The following ANLN variants were observed in gnomAD, a reference collection of about 807,000 sequenced individuals.
ANLN encodes anillin, actin binding protein, also known as anillin.
In ANLN, 59 loss-of-function variants were observed where a neutral mutation model predicts 135.1. The observed-to-expected ratio is 0.44, with a 90% CI of 0.35 to 0.54. ANLN has a LOEUF of 0.54. Among genes scored for constraint, ANLN ranks in the 20% least tolerant of loss-of-function variants. ANLN has a pLI of 0.00. For synonymous variants in ANLN, 406 were observed against 456.4 expected (o/e 0.89, Z 1.41); for missense variants, 1,182 against 1,340.0 (o/e 0.88, Z 1.84).
intron 4 of ANLN, 100 bp downstream of exon 4, chr7:36,406,666 G>C (rs1221799714): frequency 3.7e-6 from 4 of 1,087,680 alleles, no homozygotes; most frequent in Non-Finnish European, 4.9e-6. Flanking sequence ...GTGGATATAT[G>C]TTTTATAATA....
intron 1 of ANLN, 46 bp downstream of exon 1, chr7:36,390,090 G>A: frequency 1.2e-6 from 2 of 1,612,468 alleles, no homozygotes; most frequent in Non-Finnish European, 1.7e-6. Context: ...ACCGCTCTAG[G>A]CCCCCACCCA....
intron 23 of ANLN, among the ~76,000 whole-genome samples, chr7:36,450,961 A>T (rs1054327470): frequency 6.6e-6 from 1 of 152,188 alleles, no homozygotes; most frequent in Non-Finnish European, 1.5e-5. Flanking sequence ...AGCAGATTAC[A>T]TGTTGCTTTA....
chr7:36,425,061 A>G (rs1414054763), intron 17 of ANLN, among the ~76,000 whole-genome samples: 1 of 152,098 alleles, frequency 6.6e-6, no homozygotes, highest in Admixed American at 6.6e-5. Flanking sequence ...TCTCTATACC[A>G]GTACTTAATA....
At chr7:36,426,142 AT>A (rs2116693767) in intron 19 of ANLN, 106 bp downstream of exon 19, 1 of 817,502 alleles carries the variant, frequency 1.2e-6, no homozygotes, top group Non-Finnish European at 1.8e-6. Context: ...GTTTACCTTG[AT>A]CTCCTTTGGA....
chr7:36,422,509 A>G (rs1787918387), intron 13 of ANLN, 124 bp from the exon 14 acceptor site: 1 of 788,198 alleles, frequency 1.3e-6, no homozygotes, highest in African/African-American at 1.8e-5. Flanking sequence ...TTTTATAAAG[A>G]TAGTGTTACT....
intron 1 of ANLN, among the ~76,000 whole-genome samples, chr7:36,395,996 C>A (rs980492897): frequency 6.6e-6 from 1 of 152,072 alleles, no homozygotes; most frequent in Non-Finnish European, 1.5e-5. Context: ...GAAATAGATT[C>A]TGTCTTTTGA....
Position 36,439,224 on chromosome 7 carries a change from G to A in ANLN, c.2904G>A (p.Leu968=). ...VLDKVPFLSS[L]EGHIYLKIKC... ...TGCAGGTCCCCTTTTTATCTTCTTT[G>A]GAAGGTCATATTTATTTAAAAATAA... Residue 968 remains leucine (L), a synonymous_variant, in exon 21 of 24, where the codon TTG becomes TTA. Coordinates refer to ENST00000265748, the MANE Select transcript of ANLN (RefSeq NM_018685.5). 6.3e-7 allele frequency: 1 copy of A among 1,593,086 alleles called. No homozygotes were observed.
At position 36,431,560 on chromosome 7, in the gene ANLN, T is replaced by TG. The variant is rs1491545354; in HGVS notation, c.2883+4532_2883+4533insG. On this transcript the variant is annotated intron_variant, in intron 20 of 23. Coordinates refer to ENST00000265748, the MANE Select transcript of ANLN (RefSeq NM_018685.5). ...ATATATGTGTGTATATATGTGTGTG[T>TG]TTGTGTGTGTGTGTGTGTGTGTGTG... Among the ~76,000 whole-genome samples, 112 of 63,322 alleles carry TG rather than the reference T, an allele frequency of 1.8e-3. 1 individual carries two copies. Among genetic ancestry groups the TG allele is most frequent in the Non-Finnish European group, 2.7e-3 (85 of 31,058 alleles). The allele number at this position is 63,322 out of a possible 152,430, so 41.5% of individuals were successfully genotyped here.
At chr7:36,410,434 G>T (rs1321006039) in intron 5 of ANLN, 80 bp from the exon 6 acceptor site, 1 of 1,221,594 alleles carries the variant, frequency 8.2e-7, no homozygotes, top group Non-Finnish European at 1.1e-6. Context: ...AAGCTGTAAT[G>T]TAGTTTAGAA....
Position 36,453,120 on chromosome 7 carries a change from A to C in ANLN, c.*520A>C, listed in dbSNP as rs1789313702. The C allele has an allele frequency of 6.5e-6, 1 of 152,688 alleles. No homozygotes were observed. The highest frequency in any genetic ancestry group is 1.5e-5 in the Non-Finnish European group (1 of 68,436). 9.5% of individuals were successfully genotyped at this position (152,688 alleles called of 1,614,324 possible). A position where few individuals can be genotyped will look rare whatever the true frequency, so the allele number is the denominator to read the frequency against. On this transcript the variant is annotated 3_prime_UTR_variant, in exon 24 of 24. Coordinates refer to ENST00000265748, the MANE Select transcript of ANLN (RefSeq NM_018685.5). ...AGGATGAGAACTTTTTCAAATAGCA[A>C]ATATATATTGGCTTAAAGCATGAGG...
rs774537599 is a variant in ANLN, at chr7:36,419,492, T to C, written c.1869+13T>C. On this transcript the variant is annotated intron_variant, in intron 10 of 23. Transcript: ENST00000265748. ...GGTAAGTCCAGAGGTAAGAAAAGGC[T>C]AACTAAACAGGCCCAGGACATAAGT... The C allele has an allele frequency of 3.5e-5, 56 of 1,604,634 alleles. No individual in the cohort carries two copies. Among genetic ancestry groups the C allele is most frequent in the Non-Finnish European group, 4.6e-5 (54 of 1,173,656 alleles).
intron 20 of ANLN, chr7:36,428,336 A>G (rs1265769772): frequency 7.8e-7 from 1 of 1,284,564 alleles, no homozygotes; most frequent in South Asian, 1.3e-5. Flanking sequence ...AGCGAGAGCT[A>G]CTGGGCTATT....
At chr7:36,426,129 AAT>A in intron 19 of ANLN, 93 bp downstream of exon 19, 1 of 905,684 alleles carries the variant, frequency 1.1e-6, no homozygotes, top group East Asian at 2.8e-5. Flanking sequence ...TTGATTTGTG[AAT>A]GTTTACCTTG....
chr7:36,446,624 GCGAGAACTCATTCA>G (rs1562824758), intron 22 of ANLN, among the ~76,000 whole-genome samples: 1 of 152,208 alleles, frequency 6.6e-6, no homozygotes, highest in East Asian at 1.9e-4. Context: ...ATCAGTTCAT[GCGAGAACTCATTCA>G]CTATTGTGAG....
At chr7:36,443,257 T>C (rs1181547627) in intron 21 of ANLN, among the ~76,000 whole-genome samples, 1 of 152,262 alleles carries the variant, frequency 6.6e-6, no homozygotes, top group Non-Finnish European at 1.5e-5. Flanking sequence ...ATCATGGTTA[T>C]TGACCAAGGC....
rs368255928 is a variant in ANLN, at chr7:36,423,897, A to G, written c.2557A>G (p.Asn853Asp). 3.6e-5 allele frequency: 58 copies of G among 1,612,716 alleles called. No individual in the cohort carries two copies. Among genetic ancestry groups the G allele is most frequent in the Admixed American group, 6.7e-5 (4 of 59,876 alleles). Residue 853 changes from asparagine to aspartate, a missense_variant, in exon 15 of 24, where the codon AAC (asparagine) becomes GAC (aspartate). Asn to Asp is a conservative substitution (Grantham distance 23). Transcript: ENST00000265748. ...AGCCACACCATTAGCAAGTACTTCA[A>G]ACTCTCTTAACGGTGATGCTCTGAC... ...MVATPLASTS[N>D]SLNGDALTFT...
intron 3 of ANLN, among the ~76,000 whole-genome samples, chr7:36,404,008 T>A (rs12701496): frequency 0.02 from 3,058 of 152,182 alleles, 44 homozygotes; most frequent in Middle Eastern, 0.031. Context: ...TCTTGCTCTG[T>A]CACCGAGGCT....
chr7:36,410,229 T>C (rs953159424), intron 5 of ANLN, among the ~76,000 whole-genome samples: 9 of 152,162 alleles, frequency 5.9e-5, no homozygotes, highest in African/African-American at 2.2e-4. Flanking sequence ...GTTGTTCAGT[T>C]TGAGAGTTTT....
intron 5 of ANLN, among the ~76,000 whole-genome samples, chr7:36,410,187 C>T (rs1242299291): frequency 6.6e-6 from 1 of 152,096 alleles, no homozygotes. Context: ...TATTAATATA[C>T]ATACAGTCAA....
Sources: allele counts gnomAD v4.1 joint callset (sites outside exome capture counted in the v4.1 genomes callset), GRCh38; gene constraint gnomAD v4.1.1; transcripts MANE v1.5; gene names NCBI Gene and HGNC (gene_info 2026-07-23, HGNC 2026-07-21).